Variants in GKAP1 observed in about 807,000 individuals in gnomAD.
GKAP1 encodes G kinase anchoring protein 1.
A neutral mutation model predicts 56.7 loss-of-function variants in GKAP1; 31 were observed. The ratio of observed to expected loss-of-function variants is 0.55; its 90% CI spans 0.41 to 0.74. GKAP1 has a LOEUF of 0.74. Among genes scored for constraint, GKAP1 ranks in the 30% least tolerant of loss-of-function variants. The pLI is 0.00. For missense variants in GKAP1, 364 were observed against 402.3 expected (o/e 0.90, Z 0.82); for synonymous variants, 151 against 138.6 (o/e 1.09, Z -0.63).
At chr9:83,782,792 G>C (rs1416255652) in intron 6 of GKAP1, among the ~76,000 whole-genome samples, 1 of 150,566 alleles carries the variant, frequency 6.6e-6, no homozygotes, top group Non-Finnish European at 1.5e-5. Context: ...TCAGCCTCTG[G>C]AGTAGCTGGG....
chr9:83,816,276 T>C (rs1373504217), intron 2 of GKAP1, among the ~76,000 whole-genome samples: 1 of 152,204 alleles, frequency 6.6e-6, no homozygotes, highest in African/African-American at 2.4e-5. Context: ...GTAAGTGATG[T>C]AAACCCAATG....
chr9:83,769,269 T>C (rs1444488480), intron 7 of GKAP1, among the ~76,000 whole-genome samples: 2 of 152,200 alleles, frequency 1.3e-5, no homozygotes, highest in African/African-American at 2.4e-5. Context: ...TCCAATTTAA[T>C]GTGTACAAGA....
chr9:83,779,808 T>C (rs966865742), intron 7 of GKAP1, among the ~76,000 whole-genome samples: 12 of 151,870 alleles, frequency 7.9e-5, no homozygotes, highest in African/African-American at 2.7e-4. Context: ...ATTTTTTTAA[T>C]AGCACAATCT....
intron 4 of GKAP1, among the ~76,000 whole-genome samples, chr9:83,791,627 G>T (rs977018142): frequency 1.3e-5 from 2 of 152,160 alleles, no homozygotes; most frequent in Non-Finnish European, 1.5e-5. Flanking sequence ...CAGCCATTAA[G>T]GATTCATTTA....
chr9:83,749,985 A>C (rs1943360901), intron 9 of GKAP1, among the ~76,000 whole-genome samples: 1 of 152,168 alleles, frequency 6.6e-6, no homozygotes, highest in Non-Finnish European at 1.5e-5. Context: ...ATTCATTGTG[A>C]ATATGAAACT....
rs201829572 is a variant in GKAP1 at position 83,804,187 on chromosome 9, C to T, written c.216+2115G>A. On this transcript the variant is annotated intron_variant, in intron 3 of 12. Coordinates refer to ENST00000376371, the MANE Select transcript of GKAP1 (RefSeq NM_025211.4). ...GAGGTGAGGGGCGCCTCTGCCCAGC[C>T]GCCCCTACTGGGAAGTGAGGAGCCC... Among the ~76,000 whole-genome samples, 1,056 of 150,038 alleles carry T rather than the reference C, an allele frequency of 7.0e-3. 18 individuals carry two copies. Among genetic ancestry groups the T allele is most frequent in the East Asian group, 0.031 (153 of 4,870 alleles).
intron 3 of GKAP1, among the ~76,000 whole-genome samples, chr9:83,802,970 G>A (rs1391567977): frequency 2.6e-5 from 4 of 151,950 alleles, no homozygotes; most frequent in South Asian, 2.1e-4. Flanking sequence ...TTAGCCTGGC[G>A]TAGTGGTGTG....
At chr9:83,808,364 G>A (rs1413343158) in intron 2 of GKAP1, among the ~76,000 whole-genome samples, 1 of 152,156 alleles carries the variant, frequency 6.6e-6, no homozygotes, top group African/African-American at 2.4e-5. Flanking sequence ...GGGAGGCCGA[G>A]GTGGGCAGGT....
intron 2 of GKAP1, among the ~76,000 whole-genome samples, chr9:83,813,012 G>A (rs1403833058): frequency 6.6e-6 from 1 of 151,962 alleles, no homozygotes; most frequent in Admixed American, 6.6e-5. Flanking sequence ...AAACAAATAG[G>A]GAGACTAGGA....
At chr9:83,773,858 T>C (rs1472655107) in intron 7 of GKAP1, among the ~76,000 whole-genome samples, 1 of 152,234 alleles carries the variant, frequency 6.6e-6, no homozygotes, top group Non-Finnish European at 1.5e-5. Flanking sequence ...GTTATTATGA[T>C]AGTTCATCTC....
intron 6 of GKAP1, among the ~76,000 whole-genome samples, chr9:83,782,660 CTTTTTTTT>C (rs772629569): frequency 1.0e-4 from 12 of 117,446 alleles, no homozygotes; most frequent in Non-Finnish European, 1.8e-4. Flanking sequence ...CGCGCCCAGC[CTTTTTTTT>C]TTTTTTTTTT....
At chr9:83,815,485 C>T (rs1396264827) in intron 2 of GKAP1, among the ~76,000 whole-genome samples, 2 of 151,774 alleles carry the variant, frequency 1.3e-5, no homozygotes, top group Non-Finnish European at 2.9e-5. Context: ...CCATTATGAC[C>T]TTATCCCTCT....
intron 8 of GKAP1, among the ~76,000 whole-genome samples, chr9:83,759,779 CT>C (rs1453225005): frequency 6.6e-6 from 1 of 152,092 alleles, no homozygotes; most frequent in Non-Finnish European, 1.5e-5. Context: ...TATATCCTTC[CT>C]AATAATTAGT....
intron 7 of GKAP1, among the ~76,000 whole-genome samples, chr9:83,779,522 CACGTGTATATGTGTAT>C (rs1369979089): frequency 9.8e-5 from 12 of 122,518 alleles, no homozygotes; most frequent in Middle Eastern, 5.1e-3. Flanking sequence ...TATATATATA[CACGTGTATATGTGTAT>C]ATATATACAC....
At chr9:83,811,919 T>A (rs780322449) in intron 2 of GKAP1, among the ~76,000 whole-genome samples, 4 of 152,100 alleles carry the variant, frequency 2.6e-5, no homozygotes, top group Admixed American at 2.0e-4. Context: ...ACACATCATC[T>A]ACTGCAACAG....
At chr9:83,803,321 T>C (rs962648065) in intron 3 of GKAP1, among the ~76,000 whole-genome samples, 3 of 150,996 alleles carry the variant, frequency 2.0e-5, no homozygotes, top group Admixed American at 6.6e-5. Context: ...TGGACTGTAC[T>C]GCTGCCATCT....
intron 7 of GKAP1, among the ~76,000 whole-genome samples, chr9:83,779,426 C>CATATAT (rs141709042): frequency 6.5e-5 from 6 of 92,972 alleles, no homozygotes; most frequent in Admixed American, 2.7e-4. Context: ...GGTCAGAAGC[C>CATATAT]ATATATATAT....
At chr9:83,804,385 G>A (rs1449031496) in intron 3 of GKAP1, among the ~76,000 whole-genome samples, 9 of 133,618 alleles carry the variant, frequency 6.7e-5, no homozygotes, top group Middle Eastern at 5.4e-3. Flanking sequence ...CGCCCCGTCC[G>A]GGAGGGAGGT....
At chr9:83,786,136 C>A (rs1163247588) in intron 5 of GKAP1, among the ~76,000 whole-genome samples, 3 of 152,196 alleles carry the variant, frequency 2.0e-5, no homozygotes, top group Non-Finnish European at 4.4e-5. Flanking sequence ...TTCCACTGCA[C>A]TGAGAACATA....
Sources: allele counts gnomAD v4.1 joint callset (sites outside exome capture counted in the v4.1 genomes callset), GRCh38; gene constraint gnomAD v4.1.1; transcripts MANE v1.5; gene names NCBI Gene and HGNC (gene_info 2026-07-23, HGNC 2026-07-21).